Variants in CELSR1 observed in about 807,000 individuals in gnomAD.
CELSR1 encodes adhesion G protein-coupled receptor C1.
In CELSR1, 110 loss-of-function variants were observed where a neutral mutation model predicts 249.1. The ratio of observed to expected loss-of-function variants is 0.44; its 90% CI spans 0.38 to 0.52. CELSR1 has a LOEUF of 0.52. Among genes scored for constraint, CELSR1 ranks in the 20% least tolerant of loss-of-function variants. The probability of loss-of-function intolerance (pLI) is 0.00; values close to 1 mark genes in which losing one functional copy is unlikely to be tolerated. For missense variants in CELSR1, 4,109 were observed against 4,296.4 expected (o/e 0.96, Z 1.22); for synonymous variants, 2,113 against 1,900.0 (o/e 1.11, Z -2.92).
intron 1 of CELSR1, among the ~76,000 whole-genome samples, chr22:46,492,816 C>G (rs1222286627): frequency 1.3e-5 from 2 of 152,088 alleles, no homozygotes; most frequent in Non-Finnish European, 1.5e-5. Context: ...CAAGATCATG[C>G]CACTGCACTC....
chr22:46,380,793 G>C lies in CELSR1; in HGVS notation c.7251C>G (p.Ser2417=), dbSNP rs2078969354. 2 of 1,612,388 alleles carry C rather than the reference G, an allele frequency of 1.2e-6. No individual in the cohort carries two copies. The highest frequency in any genetic ancestry group is 1.7e-6 in the Non-Finnish European group (2 of 1,179,582). ...GCTCCTGGCGTCACACTTACGCCAG[G>C]GAGTGGTTCCAGAACACGCAGACAG... ...TKPVCVFWNH[S]LAVGGTGGWS... is the part of the protein sequence containing the mutation. Residue 2417 remains serine (S), a synonymous_variant, in exon 22 of 35, where the codon TCC becomes TCG. Transcript: ENST00000674500. The surrounding 1 kb of genome is among the most constrained non-coding windows in gnomAD (Gnocchi z 5.1).
In CELSR1 at chr22:46,533,864, C is replaced by T. The variant is rs145654024; in HGVS notation, c.3307G>A (p.Asp1103Asn). 16 of 1,613,696 alleles carry T rather than the reference C, an allele frequency of 9.9e-6. No individual in the cohort carries two copies. The highest frequency in any genetic ancestry group is 3.3e-4 in the Middle Eastern group (2 of 6,084). ...DQNDNPPVLP[D>N]FQILFNNYVT... ...TAGTTGTTGAAGAGGATCTGGAAGT[C>T]GGGCAGCACAGGCGGGTTGTCATTC... The change falls in exon 1 of 35, where the codon GAC becomes AAC. Residue 1103 changes from aspartate (D) to asparagine (N), a missense_variant. Asp to Asn is a conservative substitution (Grantham distance 23, BLOSUM62 1). Transcript: ENST00000674500.
intron 1 of CELSR1, among the ~76,000 whole-genome samples, chr22:46,486,297 C>T (rs1218547773): frequency 6.6e-6 from 1 of 151,552 alleles, no homozygotes; most frequent in Non-Finnish European, 1.5e-5. Context: ...GCCTGTAATC[C>T]CAGCACTTTG....
rs184879892 is a variant in CELSR1, at chr22:46,488,816, G to T, written c.3545-24471C>A. Among the ~76,000 whole-genome samples, 9 of 152,200 alleles carry T rather than the reference G, an allele frequency of 5.9e-5. No homozygotes were observed. The highest frequency in any genetic ancestry group is 2.2e-4 in the African/African-American group (9 of 41,556). On this transcript the variant is annotated intron_variant, in intron 1 of 34. Coordinates refer to ENST00000674500, the MANE Select transcript of CELSR1 (RefSeq NM_001378328.1). The surrounding 1 kb of genome is among the most constrained non-coding windows in gnomAD (Gnocchi z 4.7). Reference sequence around the variant, plus strand: ...CTGGGACTACAGGCGCCCGCCACCAGGCCCAGCTAATTTTTTGTATTTTTA... The same window carrying T: ...CTGGGACTACAGGCGCCCGCCACCATGCCCAGCTAATTTTTTGTATTTTTA...
rs969242484 is a variant in CELSR1 at position 46,399,118 on chromosome 22, A to G, written c.5413-481T>C. Reference sequence around the variant, plus strand: ...TGTTGTAAGATGAGCCTTGGCTCCAAGAGCTCTTGGAGATCCCAGGTCGCC... The same window carrying G: ...TGTTGTAAGATGAGCCTTGGCTCCAGGAGCTCTTGGAGATCCCAGGTCGCC... On this transcript the variant is annotated intron_variant, in intron 10 of 34. Transcript: ENST00000674500. This position sits in a 1 kb window ranked among gnomAD's most constrained non-coding sequence, Gnocchi z 5.0. Among the ~76,000 whole-genome samples the G allele has an allele frequency of 1.1e-4, 16 of 152,210 alleles. No individual in the cohort carries two copies. The highest frequency in any genetic ancestry group is 2.4e-4 in the Non-Finnish European group (16 of 68,032).
At position 46,471,091 on chromosome 22, in the gene CELSR1, C is replaced by G. The variant is rs1010571202; in HGVS notation, c.3545-6746G>C. 2.0e-5 allele frequency among the ~76,000 whole-genome samples: 3 copies of G among 152,022 alleles called. No individual in the cohort carries two copies. Among genetic ancestry groups the G allele is most frequent in the African/African-American group, 7.2e-5 (3 of 41,406 alleles). On this transcript the variant is annotated intron_variant, in intron 1 of 34. Coordinates refer to ENST00000674500, the MANE Select transcript of CELSR1 (RefSeq NM_001378328.1). This position sits in a 1 kb window ranked among gnomAD's most constrained non-coding sequence, Gnocchi z 4.9. ...AGTGAGCCAAGATGGCACCACTGCA[C>G]TCCAGCCTGGGCGACAGAGTGAGAC...
intron 1 of CELSR1, among the ~76,000 whole-genome samples, chr22:46,507,889 T>C (rs1478682301): frequency 6.6e-6 from 1 of 151,990 alleles, no homozygotes; most frequent in Non-Finnish European, 1.5e-5. Flanking sequence ...AGAAAGGACA[T>C]GGCTACCTCC....
chr22:46,511,404 A>G (rs1009941685), intron 1 of CELSR1, among the ~76,000 whole-genome samples: 1 of 152,088 alleles, frequency 6.6e-6, no homozygotes. Context: ...TTAAATCCCA[A>G]CCGGGACCAA....
rs2080265094 is a variant in CELSR1 at position 46,481,412 on chromosome 22, C to T, written c.3545-17067G>A. On this transcript the variant is annotated intron_variant, in intron 1 of 34. Coordinates refer to ENST00000674500, the MANE Select transcript of CELSR1 (RefSeq NM_001378328.1). ...ATGTGGTCATCCACACACTTGGTCACACCACCTTCCAGCTTCTGCTTCAAC... is the reference window on the plus strand; with the variant it reads ...ATGTGGTCATCCACACACTTGGTCATACCACCTTCCAGCTTCTGCTTCAAC... The T allele has an allele frequency of 2.8e-6, 4 of 1,412,188 alleles. No homozygotes were observed. The African/African-American group carries it at 4.3e-5, about 15-fold the overall frequency. 87.5% of individuals were successfully genotyped at this position (1,412,188 alleles called of 1,614,324 possible).
rs910813841 is a variant in CELSR1, at chr22:46,370,041, G to T, written c.7760-237C>A. 3 of 614,216 alleles carry T rather than the reference G, an allele frequency of 4.9e-6. No individual in the cohort carries two copies. In the African/African-American group the frequency reaches 5.5e-5, roughly 11 times the overall value. 38.0% of individuals were successfully genotyped at this position (614,216 alleles called of 1,614,324 possible). A position where few individuals can be genotyped will look rare whatever the true frequency, so the allele number is the denominator to read the frequency against. Reference sequence around the variant, plus strand: ...GCTCCTGGATTGGCCCCATGAGGCAGGGGGCGTATCTGGGCCGGGGGCTGC... The same window carrying T: ...GCTCCTGGATTGGCCCCATGAGGCATGGGGCGTATCTGGGCCGGGGGCTGC... On this transcript the variant is annotated intron_variant, in intron 25 of 34. Transcript: ENST00000674500.
rs2078708371 is a variant in CELSR1, at chr22:46,361,885, C to T, written c.*1338G>A. 1 of 152,246 alleles carries T rather than the reference C, an allele frequency of 6.6e-6. No individual in the cohort carries two copies. The highest frequency in any genetic ancestry group is 1.5e-5 in the Non-Finnish European group (1 of 68,052). The allele number at this position is 152,246 out of a possible 1,614,324, so 9.4% of individuals were successfully genotyped here. On this transcript the variant is annotated 3_prime_UTR_variant, in exon 35 of 35. Transcript: ENST00000674500. ...AGTTCCGGGACCCGTTCCACAGCCC[C>T]TCGGGCCACGCTGTGCCAGCTGCCT...
rs1356303245 is a variant in CELSR1 at position 46,527,412 on chromosome 22, CG to C, written c.3544+6214del. 6.6e-6 allele frequency among the ~76,000 whole-genome samples: 1 copy of C among 152,178 alleles called. No individual in the cohort carries two copies. The highest frequency in any genetic ancestry group is 1.5e-5 in the Non-Finnish European group (1 of 68,034). On this transcript the variant is annotated intron_variant, in intron 1 of 34. Transcript: ENST00000674500. The surrounding 1 kb of genome is among the most constrained non-coding windows in gnomAD (Gnocchi z 5.5). ...CTCCACAGTCAGCCCTCTCTCGACCCGGGGGATCCATCTGACTCCCGGTCTC... is the reference window on the plus strand; with the variant it reads ...CTCCACAGTCAGCCCTCTCTCGACCCGGGGATCCATCTGACTCCCGGTCTC...
intron 1 of CELSR1, among the ~76,000 whole-genome samples, chr22:46,497,160 T>C (rs1449273222): frequency 6.6e-6 from 1 of 152,200 alleles, no homozygotes; most frequent in Non-Finnish European, 1.5e-5. Context: ...CCATCCTATA[T>C]GCAGCCCGTC....
chr22:46,462,921 A>G (rs2147581120), intron 2 of CELSR1: 1 of 468,726 alleles, frequency 2.1e-6, no homozygotes, highest in African/African-American at 2.0e-5. Context: ...CGAAATTTCT[A>G]CGGTGACAGG....
At chr22:46,432,193 G>C (rs1053821846) in intron 5 of CELSR1, among the ~76,000 whole-genome samples, 7 of 152,222 alleles carry the variant, frequency 4.6e-5, no homozygotes, top group Non-Finnish European at 8.8e-5. Flanking sequence ...AAGGCAGATG[G>C]GAGGGGCGGG....
In CELSR1 at chr22:46,468,385, CA is replaced by C. The variant is rs34099713; in HGVS notation, c.3545-4041del. Among the ~76,000 whole-genome samples, 61,617 of 141,606 alleles carry C rather than the reference CA, an allele frequency of 0.44. 12,921 individuals are homozygous for C. Among genetic ancestry groups the C allele is most frequent in the South Asian group, 0.54 (2,398 of 4,428 alleles). The allele number at this position is 141,606 out of a possible 152,430, so 92.9% of individuals were successfully genotyped here. On this transcript the variant is annotated intron_variant, in intron 1 of 34. Coordinates refer to ENST00000674500, the MANE Select transcript of CELSR1 (RefSeq NM_001378328.1). This position sits in a 1 kb window ranked among gnomAD's most constrained non-coding sequence, Gnocchi z 4.5. ...TGGGCAACAAAGCAAGACTCTGTCTCAAAAAAAAAAAAAAATGTGGTCCATG... is the reference window on the plus strand; with the variant it reads ...TGGGCAACAAAGCAAGACTCTGTCTCAAAAAAAAAAAAAATGTGGTCCATG...
chr22:46,460,570 T>C (rs2080013889), intron 2 of CELSR1, among the ~76,000 whole-genome samples: 1 of 152,040 alleles, frequency 6.6e-6, no homozygotes, highest in South Asian at 2.1e-4. Context: ...ACAACTACGA[T>C]GTTTACAAAA....
In CELSR1 at chr22:46,380,725, G is replaced by C. The variant is rs908891761; in HGVS notation, c.7256+63C>G. 6.4e-7 allele frequency: 1 copy of C among 1,574,276 alleles called. No homozygotes were observed. The highest frequency in any genetic ancestry group is 1.4e-5 in the African/African-American group (1 of 74,008). ...TGGGGCGCTCTGCCACTGAGCCCCC[G>C]ACCCTGCGGGGGCACTCTGCCTTGG... On this transcript the variant is annotated intron_variant, in intron 22 of 34. Transcript: ENST00000674500. This position sits in a 1 kb window ranked among gnomAD's most constrained non-coding sequence, Gnocchi z 5.1.
Position 46,409,647 on chromosome 22 carries a change from G to T in CELSR1, c.5059+108C>A. On this transcript the variant is annotated intron_variant, in intron 8 of 34. Transcript: ENST00000674500. This position sits in a 1 kb window ranked among gnomAD's most constrained non-coding sequence, Gnocchi z 9.8. ...GTAAATGCAGCATATACCACCAGAG[G>T]CTGCCGGACCTGGATGTGAAGCCCC... is the stretch of plus-strand genomic sequence containing the variant. 2 of 1,352,344 alleles carry T rather than the reference G, an allele frequency of 1.5e-6. No homozygotes were observed. Among genetic ancestry groups the T allele is most frequent in the Non-Finnish European group, 2.1e-6 (2 of 967,364 alleles). The allele number at this position is 1,352,344 out of a possible 1,614,324, so 83.8% of individuals were successfully genotyped here.
Sources: allele counts gnomAD v4.1 joint callset (sites outside exome capture counted in the v4.1 genomes callset), GRCh38; gene constraint gnomAD v4.1.1; non-coding constraint Gnocchi (gnomAD v3.1); transcripts MANE v1.5; gene names NCBI Gene and HGNC (gene_info 2026-07-23, HGNC 2026-07-21).